CYP2C18: variants seen among roughly 807,000 people sequenced by gnomAD.
The protein encoded by CYP2C18 is cytochrome P450 family 2 subfamily C member 18, also known as cytochrome P450 2C18.
CYP2C18 carries 38 observed loss-of-function variants against 41.3 expected under a neutral mutation model. The observed-to-expected ratio is 0.92, with a 90% CI of 0.71 to 1.21. The LOEUF (loss-of-function observed/expected upper bound fraction) is 1.21. Among genes scored for constraint, CYP2C18 ranks in the 50% most tolerant of loss-of-function variants. The pLI is 0.00. For synonymous variants in CYP2C18, 236 were observed against 210.0 expected, an observed-to-expected ratio of 1.12 and a Z score of -1.07; for missense variants, 635 against 591.4, an observed-to-expected ratio of 1.07 and a Z score of -0.77.
rs184341180 is a variant in CYP2C18 at position 94,730,677 on chromosome 10, G to C, written c.1150-2620G>C. ...AACTGTCTTCTGGAAGTCCTAGCCAGAGCAATCAGGCAAGAGGAAGAAAGA... is the reference window on the plus strand; with the variant it reads ...AACTGTCTTCTGGAAGTCCTAGCCACAGCAATCAGGCAAGAGGAAGAAAGA... On this transcript the variant is annotated intron_variant, in intron 7 of 8. Transcript: ENST00000285979. Among the ~76,000 whole-genome samples, 68 of 152,224 alleles carry C rather than the reference G, an allele frequency of 4.5e-4. No homozygotes were observed. The East Asian group carries it at 0.013, about 29-fold the overall frequency.
At chr10:94,720,251 C>T (rs1372848056) in intron 5 of CYP2C18, 145 bp from the exon 6 acceptor site, 4 of 621,400 alleles carry the variant, frequency 6.4e-6, no homozygotes, top group East Asian at 2.8e-5. Flanking sequence ...TCTGCCACAC[C>T]GTGCAATTGT....
intron 4 of CYP2C18, among the ~76,000 whole-genome samples, chr10:94,695,605 C>T (rs1847101413): frequency 6.6e-6 from 1 of 152,096 alleles, no homozygotes; most frequent in African/African-American, 2.4e-5. Context: ...GTACTGGGTT[C>T]ATCTCACTAG....
At chr10:94,723,068 C>T (rs952021981) in intron 6 of CYP2C18, among the ~76,000 whole-genome samples, 14 of 152,064 alleles carry the variant, frequency 9.2e-5, no homozygotes, top group African/African-American at 3.4e-4. Flanking sequence ...ATTAGGTCAC[C>T]TGTGAAGGAT....
intron 5 of CYP2C18, among the ~76,000 whole-genome samples, chr10:94,718,012 A>T (rs1267411872): frequency 6.6e-6 from 1 of 152,078 alleles, no homozygotes; most frequent in Non-Finnish European, 1.5e-5. Context: ...GAATTTTGAT[A>T]GGGATTTCAA....
chr10:94,731,946 GA>G (rs919546834), intron 7 of CYP2C18, among the ~76,000 whole-genome samples: 8 of 151,446 alleles, frequency 5.3e-5, no homozygotes, highest in Non-Finnish European at 8.9e-5. Context: ...CAATCACAAT[GA>G]AAAAAAATTG....
chr10:94,691,126 C>G (rs898059727), intron 3 of CYP2C18, among the ~76,000 whole-genome samples: 1 of 152,120 alleles, frequency 6.6e-6, no homozygotes, highest in Admixed American at 6.5e-5. Flanking sequence ...ACAAGGATGC[C>G]CTCTCTCACC....
At chr10:94,714,929 T>G (rs1260550156) in intron 5 of CYP2C18, among the ~76,000 whole-genome samples, 2 of 152,196 alleles carry the variant, frequency 1.3e-5, no homozygotes, top group Admixed American at 6.6e-5. Context: ...TATTTTATTC[T>G]CTTTGAAGCA....
Position 94,720,484 on chromosome 10 carries a change from G to A in CYP2C18, c.908G>A (p.Ser303Asn), listed in dbSNP as rs745873796. ...DMFGAGTETT[S>N]TTLRYGLLLL... ...TTTGGGGCTGGAACAGAGACAACGA[G>A]CACCACTCTGAGATATGGACTCCTG... is the stretch of plus-strand genomic sequence containing the variant. The change falls in exon 6 of 9, where the codon AGC becomes AAC. Residue 303 changes from serine (S) to asparagine (N), a missense_variant. Ser to Asn is a conservative substitution (Grantham distance 46, BLOSUM62 1). Transcript: ENST00000285979. The A allele has an allele frequency of 1.9e-5, 31 of 1,613,326 alleles. No homozygotes were observed. The South Asian group carries it at 3.1e-4, about 16-fold the overall frequency.
At chr10:94,732,550 G>A (rs529253931) in intron 7 of CYP2C18, among the ~76,000 whole-genome samples, 1 of 151,990 alleles carries the variant, frequency 6.6e-6, no homozygotes, top group Non-Finnish European at 1.5e-5. Context: ...TATTCACAAT[G>A]GCAAAGGATT....
At chr10:94,694,159 A>G (rs1256826985) in intron 3 of CYP2C18, among the ~76,000 whole-genome samples, 4 of 152,178 alleles carry the variant, frequency 2.6e-5, no homozygotes, top group Non-Finnish European at 1.5e-5. Flanking sequence ...GCCTGGTGAT[A>G]ATAGACACCA....
intron 5 of CYP2C18, among the ~76,000 whole-genome samples, chr10:94,719,058 T>A (rs1409137763): frequency 6.6e-6 from 1 of 152,172 alleles, no homozygotes; most frequent in Admixed American, 6.6e-5. Context: ...TCACAGGGAA[T>A]TGATCTGTGA....
rs551119623 is a variant in CYP2C18, at chr10:94,721,501, G to A, written c.961+964G>A. ...TAGACTTAGGGGTACAAGTGCAATT[G>A]TGTTCATGAATATATTCCCTAGTGG... On this transcript the variant is annotated intron_variant, in intron 6 of 8. Transcript: ENST00000285979. Among the ~76,000 whole-genome samples the A allele has an allele frequency of 2.0e-5, 3 of 152,176 alleles. No homozygotes were observed. The South Asian group carries it at 6.2e-4, about 32-fold the overall frequency.
intron 4 of CYP2C18, among the ~76,000 whole-genome samples, chr10:94,700,609 C>A (rs1008054573): frequency 7.2e-5 from 11 of 152,152 alleles, no homozygotes; most frequent in Admixed American, 1.3e-4. Context: ...GCAACAAAAG[C>A]CAAATTTGAC....
At chr10:94,730,080 T>G (rs1847802430) in intron 7 of CYP2C18, among the ~76,000 whole-genome samples, 1 of 152,160 alleles carries the variant, frequency 6.6e-6, no homozygotes, top group Admixed American at 6.6e-5. Flanking sequence ...GTATTCATTT[T>G]TAATATAAAG....
chr10:94,727,362 C>T (rs1847757545), intron 7 of CYP2C18, among the ~76,000 whole-genome samples: 1 of 152,088 alleles, frequency 6.6e-6, no homozygotes, highest in Non-Finnish European at 1.5e-5. Flanking sequence ...CATTTGTAAT[C>T]CCAGCTCTTT....
chr10:94,684,555 G>A (rs771846598), intron 1 of CYP2C18, among the ~76,000 whole-genome samples: 1 of 152,098 alleles, frequency 6.6e-6, no homozygotes, highest in Non-Finnish European at 1.5e-5. Context: ...AGGCTGAATA[G>A]CATTTCATTG....
At chr10:94,685,410 T>A (rs540620150) in intron 1 of CYP2C18, among the ~76,000 whole-genome samples, 1 of 152,296 alleles carries the variant, frequency 6.6e-6, no homozygotes, top group East Asian at 1.9e-4. Context: ...GTGGTCAGAA[T>A]CTCATTTGTC....
At chr10:94,732,139 CAAAT>C (rs1022568887) in intron 7 of CYP2C18, among the ~76,000 whole-genome samples, 30 of 152,126 alleles carry the variant, frequency 2.0e-4, no homozygotes, top group African/African-American at 6.3e-4. Context: ...AAACAGAAAA[CAAAT>C]AATGCCATTA....
In CYP2C18 at chr10:94,683,841, G is replaced by C. The variant is rs779070771; in HGVS notation, c.22G>C (p.Val8Leu). The C allele has an allele frequency of 3.1e-6, 5 of 1,605,402 alleles. No homozygotes were observed. In the African/African-American group the frequency reaches 5.4e-5, roughly 17 times the overall value. ...TTCAATGGATCCAGCTGTGGCTCTG[G>C]TGCTCTGTCTCTCCTGTTTGTTTCT... MDPAVAL[V>L]LCLSCLFLLS... The change falls in exon 1 of 9, where the codon GTG (valine) becomes CTG (leucine). Residue 8 changes from valine to leucine, a missense_variant. Val to Leu is a conservative substitution (Grantham distance 32, BLOSUM62 1). Coordinates refer to ENST00000285979, the MANE Select transcript of CYP2C18 (RefSeq NM_000772.3).
Sources: gnomAD v4.1 joint callset for allele counts (sites outside exome capture counted in the v4.1 genomes callset) on GRCh38, gnomAD v4.1.1 for gene constraint, MANE v1.5 for transcripts, NCBI Gene and HGNC (gene_info 2026-07-23, HGNC 2026-07-21) for gene names.